Variants in MTCL2 observed in about 807,000 individuals in gnomAD.
MTCL2 encodes the protein microtubule crosslinking factor 2, also known as microtubule cross-linking factor 2.
At chr20:36,835,925 C>T in the MTCL2 span, among the ~76,000 whole-genome samples, 1 of 152,184 alleles carries the variant, frequency 6.6e-6, no homozygotes, top group Non-Finnish European at 1.5e-5. Context: ...AGGTCCCAGC[C>T]TCTCCTCCGC....
chr20:36,848,118 C>T, the MTCL2 span, among the ~76,000 whole-genome samples: 1 of 152,234 alleles, frequency 6.6e-6, no homozygotes. Flanking sequence ...CACTGCACTC[C>T]AGGCTAGGTG....
At chr20:36,794,160 A>G in the MTCL2 span, 1 of 1,551,076 alleles carries the variant, frequency 6.4e-7, no homozygotes, top group Non-Finnish European at 8.7e-7. This position sits in a 1 kb window ranked among gnomAD's most constrained non-coding sequence, Gnocchi z 5.4. Context: ...TGCCGTGAGA[A>G]GTTGCAGAGC....
At chr20:36,815,905 G>A in the MTCL2 span, 4 of 1,610,894 alleles carry the variant, frequency 2.5e-6, no homozygotes, top group East Asian at 2.2e-5. This position sits in a 1 kb window ranked among gnomAD's most constrained non-coding sequence, Gnocchi z 5.3. Context: ...AGGTGTCGCC[G>A]CAGCTCTGCC....
At chr20:36,853,704 T>G in the MTCL2 span, among the ~76,000 whole-genome samples, 54 of 9,650 alleles carry the variant, frequency 5.6e-3, no homozygotes, top group Non-Finnish European at 1.6e-3. Flanking sequence ...CAGGGAGGGG[T>G]GTGTGTGTGT....
chr20:36,797,713 G>T, the MTCL2 span: 1 of 727,366 alleles, frequency 1.4e-6, no homozygotes, highest in Non-Finnish European at 2.3e-6. Flanking sequence ...TTCTCAGTGG[G>T]TAGCAGCTCA....
At chr20:36,797,638 G>A in the MTCL2 span, 1 of 1,445,730 alleles carries the variant, frequency 6.9e-7, no homozygotes, top group Non-Finnish European at 9.5e-7. Context: ...CCTGCTCTAA[G>A]CAAGGCCATT....
chr20:36,786,428 G>T, the MTCL2 span: 1 of 1,479,186 alleles, frequency 6.8e-7, no homozygotes, highest in African/African-American at 1.4e-5. Context: ...GTCTCTGCTG[G>T]TTCCCTTCTG....
chr20:36,847,833 GAC>G, the MTCL2 span, among the ~76,000 whole-genome samples: 2 of 138,390 alleles, frequency 1.4e-5, no homozygotes, highest in African/African-American at 2.8e-5. Context: ...CAGCCTGAGT[GAC>G]ACAGAGACAG....
chr20:36,797,857 C>T, the MTCL2 span, among the ~76,000 whole-genome samples: 1 of 152,188 alleles, frequency 6.6e-6, no homozygotes, highest in East Asian at 1.9e-4. Flanking sequence ...ATTCACAGAA[C>T]AGCTAGACTA....
chr20:36,809,186 G>A, the MTCL2 span, among the ~76,000 whole-genome samples: 4 of 152,186 alleles, frequency 2.6e-5, no homozygotes, highest in East Asian at 7.7e-4. Context: ...CTGGATTAGA[G>A]GCCCAGCCCT....
At chr20:36,798,741 T>G in the MTCL2 span, among the ~76,000 whole-genome samples, 3 of 152,174 alleles carry the variant, frequency 2.0e-5, no homozygotes, top group Non-Finnish European at 2.9e-5. Context: ...AAGCATATCT[T>G]ACGTGGTTTC....
At chr20:36,810,753 T>TCTCTCTCTCTCTCTCTCTCTC in the MTCL2 span, among the ~76,000 whole-genome samples, 11 of 146,622 alleles carry the variant, frequency 7.5e-5, no homozygotes, top group South Asian at 2.2e-4. Context: ...TCTCTCTCTC[T>TCTCTCTCTCTCTCTCTCTCTC]TTCAACGGAG....
the MTCL2 span, among the ~76,000 whole-genome samples, chr20:36,804,315 C>A: frequency 2.0e-4 from 31 of 152,156 alleles, no homozygotes; most frequent in Non-Finnish European, 4.4e-4. Context: ...AGACACCAAA[C>A]CCCCAGGGCT....
chr20:36,792,787 T>C, the MTCL2 span, among the ~76,000 whole-genome samples: 19 of 152,146 alleles, frequency 1.2e-4, no homozygotes, highest in African/African-American at 4.1e-4. Context: ...AAGAACTTCC[T>C]GGAACACATG....
chr20:36,821,675 G>A, the MTCL2 span, among the ~76,000 whole-genome samples: 712 of 151,992 alleles, frequency 4.7e-3, 7 homozygotes, highest in African/African-American at 0.017. Context: ...CCAAGATCAC[G>A]TCCCTGCACT....
the MTCL2 span, chr20:36,803,202 G>C: frequency 6.8e-7 from 1 of 1,471,098 alleles, no homozygotes; most frequent in African/African-American, 1.4e-5. Context: ...GGGGAAAAGG[G>C]GAGAGGTCCC....
chr20:36,859,743 C>T, the MTCL2 span: 2 of 1,231,760 alleles, frequency 1.6e-6, no homozygotes, highest in African/African-American at 1.5e-5. Context: ...GCAGGGCCAC[C>T]CACCAGACCT....
At chr20:36,825,495 CA>C in the MTCL2 span, among the ~76,000 whole-genome samples, 41 of 152,298 alleles carry the variant, frequency 2.7e-4, no homozygotes, top group Non-Finnish European at 5.7e-4. Context: ...GCCTAAAACA[CA>C]AGGAGGGGTG....
the MTCL2 span, among the ~76,000 whole-genome samples, chr20:36,813,012 A>G: frequency 0.069 from 10,524 of 152,286 alleles, 1,287 homozygotes; most frequent in African/African-American, 0.24. Flanking sequence ...ACCCAGCCCC[A>G]GCTGGGGGCA....
Sources: gnomAD v4.1 joint callset for allele counts (sites outside exome capture counted in the v4.1 genomes callset) on GRCh38, gnomAD v4.1.1 for gene constraint, Gnocchi (gnomAD v3.1) non-coding constraint, MANE v1.5 for transcripts, NCBI Gene and HGNC (gene_info 2026-07-23, HGNC 2026-07-21) for gene names.